CDH9: variants seen among roughly 807,000 people sequenced by gnomAD.
CDH9 encodes cadherin 9, also known as cadherin-9.
A neutral mutation model predicts 70.9 loss-of-function variants in CDH9; 28 were observed. That is an observed-to-expected ratio of 0.40 (90% CI 0.29 to 0.54). CDH9 has a LOEUF of 0.54. Ranked by LOEUF, CDH9 falls within the 20% of genes least tolerant of loss-of-function variation. The pLI is 0.59. For synonymous variants in CDH9, 409 were observed against 343.1 expected (o/e 1.19, Z -2.12); for missense variants, 874 against 984.4 (o/e 0.89, Z 1.50).
At chr5:26,977,483 G>GTGTATATATATATATATATA (rs1742321133) in intron 2 of CDH9, among the ~76,000 whole-genome samples, 2 of 141,524 alleles carry the variant, frequency 1.4e-5, no homozygotes, top group African/African-American at 5.9e-5. Flanking sequence ...GTGTGTGTGT[G>GTGTATATATATATATATATA]TGTATATATA....
At chr5:26,901,448 A>G (rs1154957) in intron 7 of CDH9, among the ~76,000 whole-genome samples, 16,970 of 151,878 alleles carry the variant, frequency 0.11, 1,597 homozygotes, top group East Asian at 0.48. Context: ...TATTTAGTGC[A>G]ACAAATTGCT....
chr5:26,926,167 T>C (rs1182962913), intron 2 of CDH9, among the ~76,000 whole-genome samples: 1 of 152,142 alleles, frequency 6.6e-6, no homozygotes, highest in African/African-American at 2.4e-5. Flanking sequence ...TGTTTGCAGA[T>C]GGCATGATTG....
chr5:26,951,214 A>AC (rs1006844145), intron 2 of CDH9, among the ~76,000 whole-genome samples: 17 of 131,686 alleles, frequency 1.3e-4, no homozygotes, highest in African/African-American at 4.7e-4. Flanking sequence ...AATCACTTGA[A>AC]CCCGGGAGGT....
chr5:26,939,969 A>G (rs1002234245), intron 2 of CDH9, among the ~76,000 whole-genome samples: 1 of 152,052 alleles, frequency 6.6e-6, no homozygotes, highest in Non-Finnish European at 1.5e-5. Flanking sequence ...GGCCAAATGG[A>G]GAAACCCTAT....
chr5:27,034,970 TTTAGA>T (rs1196343086), intron 1 of CDH9, among the ~76,000 whole-genome samples: 2 of 151,514 alleles, frequency 1.3e-5, no homozygotes, highest in Non-Finnish European at 3.0e-5. Context: ...AAAAAATTTT[TTTAGA>T]TTATTTATAA....
At chr5:26,961,416 G>T (rs1015998958) in intron 2 of CDH9, among the ~76,000 whole-genome samples, 2 of 151,872 alleles carry the variant, frequency 1.3e-5, no homozygotes, top group Non-Finnish European at 2.9e-5. Context: ...CCCCTCAATG[G>T]TTATAATTTT....
chr5:26,910,070 C>G (rs534437602), intron 3 of CDH9, among the ~76,000 whole-genome samples: 46 of 152,062 alleles, frequency 3.0e-4, no homozygotes, highest in Middle Eastern at 3.4e-3. Context: ...TTTTATTACA[C>G]TATACAAAAT....
At chr5:27,035,578 G>C (rs560404047) in intron 1 of CDH9, among the ~76,000 whole-genome samples, 1 of 151,250 alleles carries the variant, frequency 6.6e-6, no homozygotes, top group African/African-American at 2.4e-5. Context: ...TTAAGCAGAC[G>C]ATTTACAAGG....
intron 1 of CDH9, among the ~76,000 whole-genome samples, chr5:27,026,966 C>CT (rs1423277717): frequency 1.2e-4 from 18 of 151,918 alleles, no homozygotes; most frequent in African/African-American, 4.3e-4. Flanking sequence ...ATGGCATTCA[C>CT]TTTACAGTTG....
rs150969673 is a variant in CDH9, at chr5:26,993,341, G to T, written c.-49-4959C>A. Among the ~76,000 whole-genome samples the T allele has an allele frequency of 5.3e-3, 802 of 152,196 alleles. 7 individuals are homozygous for T. Among genetic ancestry groups the T allele is most frequent in the African/African-American group, 0.019 (770 of 41,542 alleles). On this transcript the variant is annotated intron_variant, in intron 1 of 11. Coordinates refer to ENST00000231021, the MANE Select transcript of CDH9 (RefSeq NM_016279.4). Reference sequence around the variant, plus strand: ...GTGAAATAGAATACATAGCTAAAGAGATTTCTAAGAAAATTGTTGAAGGAG... The same window carrying T: ...GTGAAATAGAATACATAGCTAAAGATATTTCTAAGAAAATTGTTGAAGGAG...
chr5:26,934,120 G>T (rs2112027435), intron 2 of CDH9, among the ~76,000 whole-genome samples: 1 of 152,152 alleles, frequency 6.6e-6, no homozygotes, highest in Non-Finnish European at 1.5e-5. Flanking sequence ...AAAGAGAGAG[G>T]GGAGAAAGGT....
intron 1 of CDH9, among the ~76,000 whole-genome samples, chr5:26,989,202 T>C (rs7735971): frequency 0.022 from 3,380 of 152,182 alleles, 115 homozygotes; most frequent in African/African-American, 0.078. Context: ...CCTGTTAATA[T>C]AATAAGTTGA....
At chr5:26,957,539 G>A (rs754226914) in intron 2 of CDH9, among the ~76,000 whole-genome samples, 4 of 152,022 alleles carry the variant, frequency 2.6e-5, no homozygotes, top group Non-Finnish European at 4.4e-5. Context: ...GTATGCGCCT[G>A]TAATCCCAGT....
intron 1 of CDH9, among the ~76,000 whole-genome samples, chr5:26,994,100 A>G (rs1028886869): frequency 3.3e-5 from 5 of 152,050 alleles, no homozygotes; most frequent in African/African-American, 9.7e-5. Context: ...CCATTATTGT[A>G]TTTTGAGAGC....
At chr5:27,027,440 T>C (rs933520493) in intron 1 of CDH9, among the ~76,000 whole-genome samples, 1 of 151,952 alleles carries the variant, frequency 6.6e-6, no homozygotes, top group Non-Finnish European at 1.5e-5. Flanking sequence ...ACCTGAACCA[T>C]AACCATCTTA....
rs527858751 is a variant in CDH9 at position 26,881,081 on chromosome 5, A to G, written c.*55T>C. The G allele has an allele frequency of 6.8e-7, 1 of 1,472,458 alleles. No individual in the cohort carries two copies. Among genetic ancestry groups the G allele is most frequent in the Middle Eastern group, 1.8e-4 (1 of 5,504 alleles). 91.2% of individuals were successfully genotyped at this position (1,472,458 alleles called of 1,614,324 possible). On this transcript the variant is annotated 3_prime_UTR_variant, in exon 12 of 12. Coordinates refer to ENST00000231021, the MANE Select transcript of CDH9 (RefSeq NM_016279.4). ...CCCAGGAAGAGAATGCAGGCCACTC[A>G]ATCTAATAACATAGACAGTACTTCC...
intron 7 of CDH9, among the ~76,000 whole-genome samples, chr5:26,900,079 A>C (rs1405137666): frequency 6.6e-6 from 1 of 152,054 alleles, no homozygotes; most frequent in Non-Finnish European, 1.5e-5. Context: ...TACATTTGAC[A>C]ACTTAGATGA....
intron 2 of CDH9, among the ~76,000 whole-genome samples, chr5:26,949,125 C>T (rs1485567162): frequency 1.3e-5 from 2 of 152,150 alleles, no homozygotes; most frequent in Non-Finnish European, 2.9e-5. Context: ...TTTACCAGTG[C>T]ATATTTATGA....
intron 1 of CDH9, among the ~76,000 whole-genome samples, chr5:27,027,250 A>C (rs957931389): frequency 2.0e-5 from 3 of 152,046 alleles, no homozygotes; most frequent in African/African-American, 7.2e-5. Context: ...AATTGTTCAA[A>C]ATATTAAGTA....
Sources: gnomAD v4.1 joint callset for allele counts (sites outside exome capture counted in the v4.1 genomes callset) on GRCh38, gnomAD v4.1.1 for gene constraint, MANE v1.5 for transcripts, NCBI Gene and HGNC (gene_info 2026-07-23, HGNC 2026-07-21) for gene names.